The following TCAIM variants were observed in gnomAD, a reference collection of about 807,000 sequenced individuals.
TCAIM encodes T cell activation inhibitor, mitochondrial.
Under a neutral mutation model 58.6 loss-of-function variants are expected in TCAIM, and 36 were observed. The observed-to-expected ratio is 0.61, with a 90% CI of 0.47 to 0.81. The LOEUF (loss-of-function observed/expected upper bound fraction) is 0.81, where lower values mean the gene tolerates loss of function less well. TCAIM is among the 30% of genes least tolerant of loss of function. TCAIM has a pLI of 0.00. For missense variants in TCAIM, 466 were observed against 579.6 expected (o/e 0.80, Z 2.01); for synonymous variants, 172 against 193.6 (o/e 0.89, Z 0.93).
chr3:44,390,111 G>T (rs986027295), intron 5 of TCAIM, among the ~76,000 whole-genome samples: 1 of 152,010 alleles, frequency 6.6e-6, no homozygotes, highest in African/African-American at 2.4e-5. Context: ...CTTATTAAAT[G>T]TGTCTTCCTT....
At chr3:44,365,776 A>T (rs1042553475) in intron 4 of TCAIM, among the ~76,000 whole-genome samples, 4 of 152,244 alleles carry the variant, frequency 2.6e-5, no homozygotes, top group Admixed American at 6.5e-5. Context: ...GAGCACTTGA[A>T]ATGTGGCCAA....
At position 44,393,743 on chromosome 3, in the gene TCAIM, C is replaced by T. The variant is rs543171921; in HGVS notation, c.695+766C>T. The stretch of plus-strand genomic sequence containing the variant: ...TTTGAGACCAGCCTGGGCAACATAG[C>T]GAGACCTCATCTCTAAATAATAATA... On this transcript the variant is annotated intron_variant, in intron 6 of 10. Coordinates refer to ENST00000342649, the MANE Select transcript of TCAIM (RefSeq NM_173826.4). Among the ~76,000 whole-genome samples, 354 of 151,722 alleles carry T rather than the reference C, an allele frequency of 2.3e-3. 4 individuals are homozygous for T. Among genetic ancestry groups the T allele is most frequent in the Middle Eastern group, 0.017 (5 of 292 alleles).
intron 4 of TCAIM, among the ~76,000 whole-genome samples, chr3:44,366,092 A>G (rs1487358955): frequency 6.6e-6 from 1 of 152,220 alleles, no homozygotes; most frequent in African/African-American, 2.4e-5. Flanking sequence ...TTCTTAATCT[A>G]TGTTCCTTCA....
intron 5 of TCAIM, among the ~76,000 whole-genome samples, chr3:44,369,632 C>G (rs1701432985): frequency 6.6e-6 from 1 of 152,134 alleles, no homozygotes; most frequent in Non-Finnish European, 1.5e-5. Context: ...CTTACCTAAG[C>G]TCAGTATTTA....
chr3:44,402,456 T>C (rs1702035281), intron 10 of TCAIM, among the ~76,000 whole-genome samples: 1 of 152,222 alleles, frequency 6.6e-6, no homozygotes, highest in Non-Finnish European at 1.5e-5. Context: ...ATTGTTTTTA[T>C]GTTGTTTGTA....
chr3:44,351,948 T>G (rs1194416481), intron 1 of TCAIM, among the ~76,000 whole-genome samples: 1 of 151,712 alleles, frequency 6.6e-6, no homozygotes, highest in Non-Finnish European at 1.5e-5. Context: ...ATTTAAAATT[T>G]TCTATCATTC....
chr3:44,347,423 C>G (rs1443205130), intron 1 of TCAIM, among the ~76,000 whole-genome samples: 1 of 152,140 alleles, frequency 6.6e-6, no homozygotes, highest in Non-Finnish European at 1.5e-5. Flanking sequence ...AGGTAAGTTG[C>G]TGAGACTGAT....
intron 4 of TCAIM, among the ~76,000 whole-genome samples, chr3:44,364,300 A>C (rs962365416): frequency 6.6e-6 from 1 of 152,180 alleles, no homozygotes; most frequent in Admixed American, 6.5e-5. Flanking sequence ...GAGAAAAGAT[A>C]TAGCATATAT....
chr3:44,357,952 G>A (rs1315915428), intron 3 of TCAIM, 76 bp downstream of exon 3: 1 of 1,512,840 alleles, frequency 6.6e-7, no homozygotes, highest in Non-Finnish European at 8.9e-7. Flanking sequence ...AATACATAGA[G>A]TTCTATAAAT....
At chr3:44,365,995 T>C (rs919685464) in intron 4 of TCAIM, among the ~76,000 whole-genome samples, 1 of 152,196 alleles carries the variant, frequency 6.6e-6, no homozygotes, top group South Asian at 2.1e-4. Flanking sequence ...TAATTAAGAA[T>C]AGTTTTTTAA....
chr3:44,350,879 G>A (rs1701073731), intron 1 of TCAIM, among the ~76,000 whole-genome samples: 1 of 152,088 alleles, frequency 6.6e-6, no homozygotes, highest in Non-Finnish European at 1.5e-5. Context: ...CTTGGGGTCT[G>A]GTACTTGTGC....
intron 5 of TCAIM, among the ~76,000 whole-genome samples, chr3:44,391,012 C>G (rs1216010327): frequency 6.6e-6 from 1 of 152,132 alleles, no homozygotes; most frequent in African/African-American, 2.4e-5. Flanking sequence ...ATCCAGGTCA[C>G]TCATTTCTCT....
intron 2 of TCAIM, 89 bp from the exon 3 acceptor site, chr3:44,357,652 G>C: frequency 6.6e-7 from 1 of 1,523,682 alleles, no homozygotes; most frequent in East Asian, 2.3e-5. Context: ...GCTGTGCATA[G>C]TACGTTTAGT....
intron 5 of TCAIM, among the ~76,000 whole-genome samples, chr3:44,383,120 C>A (rs1196190527): frequency 2.0e-5 from 3 of 152,128 alleles, no homozygotes; most frequent in African/African-American, 7.2e-5. Context: ...GAAACTGGAA[C>A]CCTTATGCAC....
chr3:44,392,663 T>C (rs1263061582), intron 5 of TCAIM, among the ~76,000 whole-genome samples, 192 bp from the exon 6 acceptor site: 1 of 152,228 alleles, frequency 6.6e-6, no homozygotes, highest in Admixed American at 6.5e-5. Context: ...AACTCATTCT[T>C]TTTTATGGCT....
chr3:44,367,827 A>AGGTTTTAATTTT, intron 5 of TCAIM, 119 bp downstream of exon 5: 1 of 1,038,148 alleles, frequency 9.6e-7, no homozygotes, highest in Non-Finnish European at 1.3e-6. Flanking sequence ...ATTTAAAATT[A>AGGTTTTAATTTT]AAACCTAATT....
chr3:44,374,076 A>G (rs1701524876), intron 5 of TCAIM, among the ~76,000 whole-genome samples: 1 of 152,170 alleles, frequency 6.6e-6, no homozygotes, highest in Admixed American at 6.5e-5. Flanking sequence ...CTTTGAATCA[A>G]TTTTTGTGTT....
At chr3:44,368,686 A>G (rs964538822) in intron 5 of TCAIM, among the ~76,000 whole-genome samples, 5 of 152,234 alleles carry the variant, frequency 3.3e-5, no homozygotes, top group Non-Finnish European at 4.4e-5. Context: ...GGGAATAACA[A>G]TTTAATGATG....
chr3:44,361,142 T>C (rs569041347), intron 3 of TCAIM, among the ~76,000 whole-genome samples: 1 of 152,370 alleles, frequency 6.6e-6, no homozygotes, highest in South Asian at 2.1e-4. Flanking sequence ...CTATTACTTA[T>C]ATGGTTACAT....
Sources: allele counts gnomAD v4.1 joint callset (sites outside exome capture counted in the v4.1 genomes callset), GRCh38; gene constraint gnomAD v4.1.1; transcripts MANE v1.5; gene names NCBI Gene and HGNC (gene_info 2026-07-23, HGNC 2026-07-21).